The following APBB2 variants were observed in gnomAD, a reference collection of about 807,000 sequenced individuals.
APBB2 encodes the protein amyloid beta precursor protein binding family B member 2.
APBB2 carries 38 observed loss-of-function variants against 82.5 expected under a neutral mutation model. That is an observed-to-expected ratio of 0.46 (90% CI 0.36 to 0.60). The LOEUF is 0.60. APBB2 is among the 20% of genes least tolerant of loss of function. APBB2 has a pLI of 0.00. For synonymous variants in APBB2, 341 were observed against 368.2 expected (o/e 0.93, Z 0.85); for missense variants, 772 against 972.3 (o/e 0.79, Z 2.74).
intron 12 of APBB2, among the ~76,000 whole-genome samples, chr4:40,840,287 T>C (rs1044570861): frequency 3.3e-5 from 5 of 152,136 alleles, no homozygotes; most frequent in African/African-American, 7.2e-5. Flanking sequence ...TATACAAAAA[T>C]GTGGGTTGTT....
intron 3 of APBB2, among the ~76,000 whole-genome samples, chr4:41,099,658 C>T (rs1180671928): frequency 6.6e-6 from 1 of 152,016 alleles, no homozygotes; most frequent in Non-Finnish European, 1.5e-5. Flanking sequence ...CTATTTAATG[C>T]TTTCATAGAA....
chr4:41,056,578 A>G (rs1727933763), intron 4 of APBB2, among the ~76,000 whole-genome samples: 1 of 152,316 alleles, frequency 6.6e-6, no homozygotes, highest in East Asian at 1.9e-4. Context: ...GGTCACATCC[A>G]CAGATGAGAT....
At chr4:41,061,731 G>T (rs757828267) in intron 4 of APBB2, among the ~76,000 whole-genome samples, 2 of 152,092 alleles carry the variant, frequency 1.3e-5, no homozygotes, top group Non-Finnish European at 2.9e-5. Flanking sequence ...TCTTATTTTC[G>T]TGCTCAATGG....
At chr4:40,822,982 C>G (rs778019211) in intron 16 of APBB2, among the ~76,000 whole-genome samples, 2 of 152,146 alleles carry the variant, frequency 1.3e-5, no homozygotes, top group Non-Finnish European at 2.9e-5. Flanking sequence ...AGGCAGTGAG[C>G]ACCCTGCTCC....
intron 2 of APBB2, among the ~76,000 whole-genome samples, chr4:41,134,902 T>C (rs961585275): frequency 3.3e-5 from 5 of 152,212 alleles, no homozygotes; most frequent in Non-Finnish European, 5.9e-5. Flanking sequence ...TCACTTGGAA[T>C]TTAACTGATT....
chr4:41,017,308 G>T (rs997714571), intron 5 of APBB2, among the ~76,000 whole-genome samples: 1 of 152,142 alleles, frequency 6.6e-6, no homozygotes, highest in African/African-American at 2.4e-5. Context: ...CTAGAGCTAC[G>T]GCAGCCAAGC....
chr4:40,830,641 T>C, intron 12 of APBB2, 64 bp from the exon 13 acceptor site: 1 of 984,382 alleles, frequency 1.0e-6, no homozygotes. Flanking sequence ...ATACTTTAGT[T>C]ATGAAGTTAA....
At chr4:41,046,690 A>AT (rs1723564273) in intron 4 of APBB2, among the ~76,000 whole-genome samples, 4 of 152,128 alleles carry the variant, frequency 2.6e-5, no homozygotes, top group Admixed American at 2.0e-4. Context: ...AGAATGCATG[A>AT]TTTTTTTTAA....
intron 1 of APBB2, among the ~76,000 whole-genome samples, chr4:41,161,600 C>G (rs530534027): frequency 2.6e-4 from 39 of 152,210 alleles, no homozygotes; most frequent in African/African-American, 9.2e-4. Flanking sequence ...AGCAAGACCC[C>G]ATCTCTAAAA....
chr4:40,932,322 T>C (rs1784401583), intron 10 of APBB2, among the ~76,000 whole-genome samples: 2 of 152,220 alleles, frequency 1.3e-5, no homozygotes, highest in Admixed American at 6.5e-5. Context: ...AGACCAGCAA[T>C]GTTAGAAGCA....
intron 17 of APBB2, among the ~76,000 whole-genome samples, chr4:40,817,803 A>G (rs2154293356): frequency 6.6e-6 from 1 of 152,290 alleles, no homozygotes; most frequent in Middle Eastern, 3.4e-3. Flanking sequence ...TTAGGCCACA[A>G]AACAACCCCT....
chr4:40,905,758 T>C (rs972030769), intron 10 of APBB2, among the ~76,000 whole-genome samples: 6 of 152,178 alleles, frequency 3.9e-5, no homozygotes, highest in African/African-American at 4.8e-5. Context: ...TTGCTGGGGA[T>C]TCAGCATCTA....
chr4:41,213,752 C>T (rs1779915083), intron 1 of APBB2, among the ~76,000 whole-genome samples: 1 of 152,184 alleles, frequency 6.6e-6, no homozygotes, highest in African/African-American at 2.4e-5. Flanking sequence ...GGAGTCGGTC[C>T]CCTATGCACA....
chr4:40,854,964 G>A (rs1156698864), intron 12 of APBB2, among the ~76,000 whole-genome samples: 1 of 152,156 alleles, frequency 6.6e-6, no homozygotes, highest in African/African-American at 2.4e-5. Flanking sequence ...TTAGAACTCA[G>A]CTCTGCCCCT....
At chr4:41,050,775 T>C (rs553861290) in intron 4 of APBB2, among the ~76,000 whole-genome samples, 11 of 152,290 alleles carry the variant, frequency 7.2e-5, no homozygotes, top group African/African-American at 2.2e-4. Flanking sequence ...GAAGTCCAAA[T>C]TGTCAAGCTC....
At chr4:41,067,411 CAA>C (rs1170369678) in intron 3 of APBB2, among the ~76,000 whole-genome samples, 21 of 107,840 alleles carry the variant, frequency 1.9e-4, no homozygotes, top group African/African-American at 3.2e-4. Flanking sequence ...AACTCCGTCT[CAA>C]AAAAAAAAAA....
rs1173065129 is a variant in APBB2 at position 41,201,995 on chromosome 4, C to T, written c.-417+12410G>A. On this transcript the variant is annotated intron_variant, in intron 1 of 17. Transcript: ENST00000508593. ...TGGGGTCTGTGACTTCCCCGCTCCT[C>T]GGAGCTTCAGACCCAGCAGCAGATT... is the stretch of plus-strand genomic sequence containing the variant. 4.6e-5 allele frequency among the ~76,000 whole-genome samples: 7 copies of T among 152,322 alleles called. No individual in the cohort carries two copies. In the South Asian group the frequency reaches 1.0e-3, roughly 23 times the overall value.
At chr4:41,211,334 C>T (rs1044673745) in intron 1 of APBB2, among the ~76,000 whole-genome samples, 3 of 151,592 alleles carry the variant, frequency 2.0e-5, no homozygotes, top group Non-Finnish European at 4.4e-5. Flanking sequence ...ATAAGTATTC[C>T]CCCCATAACC....
At chr4:40,821,063 C>A (rs1490073944) in intron 17 of APBB2, among the ~76,000 whole-genome samples, 1 of 152,174 alleles carries the variant, frequency 6.6e-6, no homozygotes, top group African/African-American at 2.4e-5. Context: ...GACAGGGCTT[C>A]TCCATTTGGT....
Sources: gnomAD v4.1 joint callset for allele counts (sites outside exome capture counted in the v4.1 genomes callset) on GRCh38, gnomAD v4.1.1 for gene constraint, MANE v1.5 for transcripts, NCBI Gene and HGNC (gene_info 2026-07-23, HGNC 2026-07-21) for gene names.